Variants in WNK4 observed in about 807,000 individuals in gnomAD.
The protein encoded by WNK4 is serine/threonine-protein kinase WNK4.
In WNK4, 94 loss-of-function variants were observed where a neutral mutation model predicts 116.2. That is an observed-to-expected ratio of 0.81 (90% CI 0.68 to 0.96). The LOEUF is 0.96. Ranked by LOEUF, WNK4 falls within the 40% of genes least tolerant of loss-of-function variation. The probability of loss-of-function intolerance (pLI) is 0.00; values close to 1 mark genes in which losing one functional copy is unlikely to be tolerated. For synonymous variants in WNK4, 655 were observed against 672.7 expected, an observed-to-expected ratio of 0.97 and a Z score of 0.41; for missense variants, 1,542 against 1,650.6, an observed-to-expected ratio of 0.93 and a Z score of 1.14.
chr17:42,781,242 C>T lies in WNK4; in HGVS notation c.544C>T (p.Arg182Cys), dbSNP rs1941893055. 1 of 1,614,162 alleles carries T rather than the reference C, an allele frequency of 6.2e-7. No homozygotes were observed. Among genetic ancestry groups the T allele is most frequent in the South Asian group, 1.1e-5 (1 of 91,084 alleles). ...CCTCAAGTTTGACATCGAGATTGGA[C>T]GTGGCTCCTTCAAGACGGTGTATCG... is the stretch of plus-strand genomic sequence containing the variant. Reference protein sequence around the residue: ...RYLKFDIEIGRGSFKTVYRGL... With the variant: ...RYLKFDIEIGCGSFKTVYRGL... Residue 182 changes from arginine to cysteine, a missense_variant, in exon 1 of 19, where the codon CGT becomes TGT. Arg to Cys is a radical substitution (Grantham distance 180, BLOSUM62 -3). Coordinates refer to ENST00000246914, the MANE Select transcript of WNK4 (RefSeq NM_032387.5).
Position 42,784,198 on chromosome 17 carries a change from C to A in WNK4, c.1012+41C>A. Reference sequence around the variant, plus strand: ...AGGGTCCATGCCATTCCTTCCTCCCCCACCTCAGAAGAGAACCTGGGGACT... The same window carrying A: ...AGGGTCCATGCCATTCCTTCCTCCCACACCTCAGAAGAGAACCTGGGGACT... On this transcript the variant is annotated intron_variant, in intron 3 of 18. Transcript: ENST00000246914. This position sits in a 1 kb window ranked among gnomAD's most constrained non-coding sequence, Gnocchi z 4.4. 1 of 1,601,364 alleles carries A rather than the reference C, an allele frequency of 6.2e-7. No individual in the cohort carries two copies.
At chr17:42,787,637 C>A in intron 7 of WNK4, 95 bp downstream of exon 7, 1 of 1,594,612 alleles carries the variant, frequency 6.3e-7, no homozygotes, top group Non-Finnish European at 8.5e-7. Context: ...ACTTACCCTG[C>A]CTTCCACCTC....
intron 4 of WNK4, 87 bp from the exon 5 acceptor site, chr17:42,785,010 G>C: frequency 7.3e-7 from 1 of 1,375,088 alleles, no homozygotes; most frequent in Non-Finnish European, 1.0e-6. Flanking sequence ...GCTGCCTAAG[G>C]AGGGAGTGGA....
intron 10 of WNK4, 76 bp downstream of exon 10, chr17:42,788,483 C>T (rs761913497): frequency 2.5e-5 from 37 of 1,479,320 alleles, no homozygotes; most frequent in Non-Finnish European, 3.5e-5. Context: ...CGGGGGAGGT[C>T]ACCCAGAAAA....
In WNK4 at chr17:42,796,225, A is replaced by G; in HGVS notation, c.3534A>G (p.Pro1178=). Residue 1178 remains proline (P), a synonymous_variant, in exon 17 of 19, where the codon CCA becomes CCG. Transcript: ENST00000246914. ...GKQPPPGIVA[P]AAMLSSRQRR... Reference sequence around the variant, plus strand: ...AGCCCCCACCGGGTATTGTGGCCCCAGCTGCTATGCTGTCCAGCCGCCAGC... The same window carrying G: ...AGCCCCCACCGGGTATTGTGGCCCCGGCTGCTATGCTGTCCAGCCGCCAGC... The G allele has an allele frequency of 1.9e-6, 3 of 1,613,654 alleles. No homozygotes were observed. The highest frequency in any genetic ancestry group is 2.5e-6 in the Non-Finnish European group (3 of 1,179,908).
At position 42,785,359 on chromosome 17, in the gene WNK4, G is replaced by A. The variant is rs2054535708; in HGVS notation, c.1353G>A (p.Pro451=). ...CGGAGGAGGACGACGGCGAGAAGCC[G>A]GGCCTCAAGCTCTGGCTGCGCATGG... ...ELAEEDDGEK[P]GLKLWLRMED... Residue 451 remains proline (P), a synonymous_variant, in exon 6 of 19, where the codon CCG becomes CCA. Transcript: ENST00000246914. 1 of 1,608,544 alleles carries A rather than the reference G, an allele frequency of 6.2e-7. No homozygotes were observed. The highest frequency in any genetic ancestry group is 8.5e-7 in the Non-Finnish European group (1 of 1,177,578).
chr17:42,793,256 T>G (rs2054623896), intron 11 of WNK4, among the ~76,000 whole-genome samples: 1 of 152,180 alleles, frequency 6.6e-6, no homozygotes, highest in South Asian at 2.1e-4. Flanking sequence ...TCTCGCTCAG[T>G]CGTCCAGGCT....
In WNK4 at chr17:42,784,102, C is replaced by A; in HGVS notation, c.957C>A (p.Ile319=). Reference sequence around the variant, plus strand: ...CGGGACCTACTGGCTCTGTCAAAATCGGGGACCTGGGCCTGGCCACGCTCA... The same window carrying A: ...CGGGACCTACTGGCTCTGTCAAAATAGGGGACCTGGGCCTGGCCACGCTCA... ...FITGPTGSVK[I]GDLGLATLKR... is the part of the protein sequence containing the mutation. The change falls in exon 3 of 19, where the codon ATC becomes ATA. Residue 319 remains isoleucine, a synonymous_variant. Coordinates refer to ENST00000246914, the MANE Select transcript of WNK4 (RefSeq NM_032387.5). This position sits in a 1 kb window ranked among gnomAD's most constrained non-coding sequence, Gnocchi z 4.4. 1 of 1,611,640 alleles carries A rather than the reference C, an allele frequency of 6.2e-7. No individual in the cohort carries two copies. The highest frequency in any genetic ancestry group is 8.5e-7 in the Non-Finnish European group (1 of 1,180,026).
rs748348489 is a variant in WNK4, at chr17:42,788,114, C to G, written c.1864-16C>G. 6.2e-7 allele frequency: 1 copy of G among 1,614,176 alleles called. No individual in the cohort carries two copies. Among genetic ancestry groups the G allele is most frequent in the Non-Finnish European group, 8.5e-7 (1 of 1,180,030 alleles). ...GTTATCTTCCCCTGACCTCATGAAC[C>G]CTTATCCTGTTTCAGGCTTTTGCCC... On this transcript the variant is annotated splice_polypyrimidine_tract_variant and intron_variant, in intron 8 of 18. Coordinates refer to ENST00000246914, the MANE Select transcript of WNK4 (RefSeq NM_032387.5).
Position 42,796,266 on chromosome 17 carries a change from G to A in WNK4, c.3575G>A (p.Gly1192Asp). 1 of 1,610,304 alleles carries A rather than the reference G, an allele frequency of 6.2e-7. No homozygotes were observed. The change falls in exon 17 of 19, where the codon GGC (glycine) becomes GAC (aspartate). Residue 1192 changes from glycine to aspartate, a missense_variant. Physicochemically the swap from Gly to Asp is moderately conservative, Grantham distance 94. Transcript: ENST00000246914. The part of the protein sequence containing the change: ...LSSRQRRLSK[G>D]SFPTSRRNSL... ...AGCCGCCAGCGCCGCCTCTCCAAGG[G>A]CAGCTTCCCCACCTCCCGCCGCAAC...
intron 11 of WNK4, among the ~76,000 whole-genome samples, chr17:42,791,653 GAAGA>G (rs200470202): frequency 0.02 from 2,868 of 140,488 alleles, 83 homozygotes; most frequent in African/African-American, 0.072. Flanking sequence ...AAAAAAAAAA[GAAGA>G]AAGAAAGAAA....
At chr17:42,787,736 C>T (rs1450761677) in intron 7 of WNK4, 42 bp from the exon 8 acceptor site, 6 of 1,607,436 alleles carry the variant, frequency 3.7e-6, no homozygotes, top group Non-Finnish European at 5.1e-6. Context: ...CCACTATTCC[C>T]TTTTATTTCC....
chr17:42,789,333 G>A (rs1204885032), intron 11 of WNK4, among the ~76,000 whole-genome samples: 1 of 152,086 alleles, frequency 6.6e-6, no homozygotes, highest in African/African-American at 2.4e-5. Context: ...TAGGTAGAGT[G>A]GGCCCAGATT....
In WNK4 at chr17:42,795,388, T is replaced by A; in HGVS notation, c.2961+6T>A. ...CAGCTGAGGTGGAGAGTGAGGTGAG[T>A]AGAAAACCAAGAGGGATGATTAGGG... On this transcript the variant is annotated splice_donor_region_variant and intron_variant, in intron 14 of 18. Coordinates refer to ENST00000246914, the MANE Select transcript of WNK4 (RefSeq NM_032387.5). The A allele has an allele frequency of 6.2e-7, 1 of 1,613,620 alleles. No individual in the cohort carries two copies. Among genetic ancestry groups the A allele is most frequent in the Non-Finnish European group, 8.5e-7 (1 of 1,179,926 alleles).
In WNK4 at chr17:42,781,024, C is replaced by T; in HGVS notation, c.326C>T (p.Thr109Met). 6.2e-7 allele frequency: 1 copy of T among 1,610,462 alleles called. No homozygotes were observed. The highest frequency in any genetic ancestry group is 8.5e-7 in the Non-Finnish European group (1 of 1,179,304). The change falls in exon 1 of 19, where the codon ACG becomes ATG. Residue 109 changes from threonine (T) to methionine (M), a missense_variant. By Grantham distance (81) the Thr-to-Met change is moderately conservative. Transcript: ENST00000246914. The part of the protein sequence containing the change: ...PPSSKEPPEG[T>M]WTEGAPVKAA... ...AGCTCCAAAGAACCCCCCGAGGGCA[C>T]GTGGACCGAGGGAGCCCCTGTGAAG...
At chr17:42,796,646 A>C in intron 18 of WNK4, 40 bp from the exon 19 acceptor site, 1 of 1,614,126 alleles carries the variant, frequency 6.2e-7, no homozygotes, top group South Asian at 1.1e-5. Flanking sequence ...CCTTCCTCCC[A>C]CCTTGGAGGT....
In WNK4 at chr17:42,796,190, C is replaced by G; in HGVS notation, c.3499C>G (p.Leu1167Val). 1.2e-6 allele frequency: 2 copies of G among 1,614,050 alleles called. No individual in the cohort carries two copies. Among genetic ancestry groups the G allele is most frequent in the Non-Finnish European group, 1.7e-6 (2 of 1,180,006 alleles). The change falls in exon 17 of 19, where the codon CTG becomes GTG. Residue 1167 changes from leucine to valine, a missense_variant. Physicochemically the swap from Leu to Val is conservative, Grantham distance 32. This residue lies in a region of WNK4 where 148 missense variants were observed against 157.2 expected (regional missense o/e 0.94). Coordinates refer to ENST00000246914, the MANE Select transcript of WNK4 (RefSeq NM_032387.5). ...KKEIEDLYSR[L>V]GKQPPPGIVA... is the part of the protein sequence containing the mutation. Reference sequence around the variant, plus strand: ...AGAAATTGAAGATTTGTACAGCCGGCTGGGGAAGCAGCCCCCACCGGGTAT... The same window carrying G: ...AGAAATTGAAGATTTGTACAGCCGGGTGGGGAAGCAGCCCCCACCGGGTAT...
chr17:42,792,817 T>C (rs1016214005), intron 11 of WNK4, among the ~76,000 whole-genome samples: 4 of 152,150 alleles, frequency 2.6e-5, no homozygotes, highest in Non-Finnish European at 5.9e-5. Context: ...CTTAACCGTG[T>C]GGGATGGGTG....
Position 42,780,679 on chromosome 17 carries a change from T to C in WNK4, c.-20T>C. 1 of 1,604,264 alleles carries C rather than the reference T, an allele frequency of 6.2e-7. No homozygotes were observed. The highest frequency in any genetic ancestry group is 1.7e-5 in the Admixed American group (1 of 59,962). Reference sequence around the variant, plus strand: ...CTCCGGCCGTCTGATTTTCTACCCTTCGGCGCCCTGCTCTTCCTCATGTTG... The same window carrying C: ...CTCCGGCCGTCTGATTTTCTACCCTCCGGCGCCCTGCTCTTCCTCATGTTG... On this transcript the variant is annotated 5_prime_UTR_variant, in exon 1 of 19. Transcript: ENST00000246914.
Sources: allele counts gnomAD v4.1 joint callset (sites outside exome capture counted in the v4.1 genomes callset), GRCh38; gene constraint gnomAD v4.1.1; regional missense constraint gnomAD v4.1.1; non-coding constraint Gnocchi (gnomAD v3.1); transcripts MANE v1.5; gene names NCBI Gene and HGNC (gene_info 2026-07-23, HGNC 2026-07-21).